Variants in MAST1 observed in about 807,000 individuals in gnomAD.
MAST1 encodes microtubule associated serine/threonine kinase 1.
Under a neutral mutation model 124.6 loss-of-function variants are expected in MAST1, and 40 were observed. The observed-to-expected ratio is 0.32, with a 90% CI of 0.25 to 0.42. The LOEUF is 0.42. MAST1 is among the 10% of genes least tolerant of loss of function. The pLI, the probability that MAST1 is intolerant of heterozygous loss-of-function variation, is 1.00. For synonymous variants in MAST1, 938 were observed against 939.4 expected, an observed-to-expected ratio of 1.00 and a Z score of 0.03; for missense variants, 1,558 against 2,181.9, an observed-to-expected ratio of 0.71 and a Z score of 5.70.
Position 12,866,576 on chromosome 19 carries a change from C to A in MAST1, c.2030-77C>A. ...GAAGACTTGTAAACCCGTCTTGAACCAGGACTGGGCTCCTGTGGGGATGTG... is the reference window on the plus strand; with the variant it reads ...GAAGACTTGTAAACCCGTCTTGAACAAGGACTGGGCTCCTGTGGGGATGTG... On this transcript the variant is annotated intron_variant, in intron 17 of 25. Coordinates refer to ENST00000251472, the MANE Select transcript of MAST1 (RefSeq NM_014975.3). This position sits in a 1 kb window ranked among gnomAD's most constrained non-coding sequence, Gnocchi z 5.2. 2 of 935,188 alleles carry A rather than the reference C, an allele frequency of 2.1e-6. No individual in the cohort carries two copies. Among genetic ancestry groups the A allele is most frequent in the Non-Finnish European group, 3.4e-6 (2 of 587,768 alleles). The allele number at this position is 935,188 out of a possible 1,614,324, so 57.9% of individuals were successfully genotyped here.
In MAST1 at chr19:12,847,229, GGGTCCTGAGCTGTTGGGGGGCCCAT is replaced by G; in HGVS notation, c.328-57_328-33del. 3 of 1,161,468 alleles carry G rather than the reference GGGTCCTGAGCTGTTGGGGGGCCCAT, an allele frequency of 2.6e-6. No individual in the cohort carries two copies. Among genetic ancestry groups the G allele is most frequent in the Non-Finnish European group, 3.8e-6 (3 of 798,196 alleles). 71.9% of individuals were successfully genotyped at this position (1,161,468 alleles called of 1,614,324 possible). A position where few individuals can be genotyped will look rare whatever the true frequency, so the allele number is the denominator to read the frequency against. On this transcript the variant is annotated intron_variant, in intron 4 of 25. Coordinates refer to ENST00000251472, the MANE Select transcript of MAST1 (RefSeq NM_014975.3). This position sits in a 1 kb window ranked among gnomAD's most constrained non-coding sequence, Gnocchi z 5.5. ...CATCGGCTTTGGGAGTCCCAGCTCAGGGTCCTGAGCTGTTGGGGGGCCCATGGTGGCTCTGACCCCGGCCCTGCCC... is the reference window on the plus strand; with the variant it reads ...CATCGGCTTTGGGAGTCCCAGCTCAGGGTGGCTCTGACCCCGGCCCTGCCC...
At chr19:12,869,385 C>T (rs966541838) in intron 22 of MAST1, 90 bp downstream of exon 22, 4 of 1,019,226 alleles carry the variant, frequency 3.9e-6, no homozygotes, top group Non-Finnish European at 6.0e-6. Context: ...CTGGGTGAGA[C>T]ACCTCTGTGA....
chr19:12,846,312 C>T (rs1236140889), intron 4 of MAST1, among the ~76,000 whole-genome samples: 1 of 152,070 alleles, frequency 6.6e-6, no homozygotes, highest in African/African-American at 2.4e-5. Flanking sequence ...CTTCGCCTCC[C>T]AAAGTGCTGA....
At position 12,865,573 on chromosome 19, in the gene MAST1, C is replaced by A. The variant is rs1456595404; in HGVS notation, c.1804+92C>A. ...TCCAGGGATTTCAAAAGCGACCCCC[C>A]AGAGGATCGCTTGCACTCAGGAGGT... On this transcript the variant is annotated intron_variant, in intron 15 of 25. Transcript: ENST00000251472. The surrounding 1 kb of genome is among the most constrained non-coding windows in gnomAD (Gnocchi z 7.1). 1 of 1,500,006 alleles carries A rather than the reference C, an allele frequency of 6.7e-7. No individual in the cohort carries two copies. The highest frequency in any genetic ancestry group is 9.0e-7 in the Non-Finnish European group (1 of 1,111,130). The allele number at this position is 1,500,006 out of a possible 1,614,324, so 92.9% of individuals were successfully genotyped here. A position where few individuals can be genotyped will look rare whatever the true frequency, so the allele number is the denominator to read the frequency against.
intron 24 of MAST1, 95 bp downstream of exon 24, chr19:12,871,267 A>C (rs1970230675): frequency 6.5e-7 from 1 of 1,542,924 alleles, no homozygotes; most frequent in Admixed American, 1.9e-5. Context: ...GAGCACGGGA[A>C]AGGTGGCGGG....
At chr19:12,839,214 A>G (rs1330320585) in intron 1 of MAST1, among the ~76,000 whole-genome samples, 1 of 150,996 alleles carries the variant, frequency 6.6e-6, no homozygotes, top group South Asian at 2.1e-4. Flanking sequence ...CACACAGGAC[A>G]TGATGTCACA....
chr19:12,842,323 C>G (rs1044556587), intron 3 of MAST1, among the ~76,000 whole-genome samples: 1 of 151,718 alleles, frequency 6.6e-6, no homozygotes, highest in African/African-American at 2.4e-5. Flanking sequence ...GACAGAGTCT[C>G]GCTCTGTTGC....
intron 24 of MAST1, 183 bp from the exon 25 acceptor site, chr19:12,873,141 T>G: frequency 1.6e-6 from 1 of 618,098 alleles, no homozygotes; most frequent in Non-Finnish European, 2.8e-6. Context: ...GGGTGGGGAC[T>G]GAAGTGGGAG....
chr19:12,853,261 G>A (rs1231419080), intron 10 of MAST1, among the ~76,000 whole-genome samples: 20 of 148,986 alleles, frequency 1.3e-4, no homozygotes, highest in Admixed American at 1.3e-3. Context: ...ATGAGCCACC[G>A]CGCCCGGCCT....
intron 22 of MAST1, 50 bp from the exon 23 acceptor site, chr19:12,870,774 C>A (rs1185311175): frequency 1.3e-6 from 2 of 1,534,202 alleles, no homozygotes; most frequent in East Asian, 4.5e-5. Flanking sequence ...AGGAGCTTTC[C>A]TTGTTACCAA....
In MAST1 at chr19:12,873,605, G is replaced by C; in HGVS notation, c.3452-4G>C. On this transcript the variant is annotated splice_region_variant and splice_polypyrimidine_tract_variant and intron_variant, in intron 25 of 25. Transcript: ENST00000251472. ...TCACTCGCTTCACCTCCTGTCTCCC[G>C]CAGGCGCCTCATCCCAGAGCAGCTC... 1.3e-6 allele frequency: 2 copies of C among 1,581,928 alleles called. No homozygotes were observed. The highest frequency in any genetic ancestry group is 2.2e-5 in the South Asian group (2 of 89,670).
intron 20 of MAST1, 151 bp from the exon 21 acceptor site, chr19:12,868,492 G>A (rs1970191366): frequency 4.7e-6 from 3 of 638,948 alleles, no homozygotes; most frequent in East Asian, 2.7e-5. Flanking sequence ...GTCTCTATAT[G>A]AGGAGCAGTG....
rs943904580 is a variant in MAST1 at position 12,870,804 on chromosome 19, A to G, written c.3004-20A>G. ...TACCAATCCCACTAACCCTGTCCCTATGGGGTGCTCTTTTCCCAGCATGTG... is the reference window on the plus strand; with the variant it reads ...TACCAATCCCACTAACCCTGTCCCTGTGGGGTGCTCTTTTCCCAGCATGTG... On this transcript the variant is annotated intron_variant, in intron 22 of 25. Transcript: ENST00000251472. 4 of 1,589,456 alleles carry G rather than the reference A, an allele frequency of 2.5e-6. No homozygotes were observed. The highest frequency in any genetic ancestry group is 2.7e-5 in the African/African-American group (2 of 74,302).
chr19:12,867,932 G>C lies in MAST1; in HGVS notation c.2521G>C (p.Glu841Gln). 1.3e-6 allele frequency: 2 copies of C among 1,591,226 alleles called. No individual in the cohort carries two copies. Among genetic ancestry groups the C allele is most frequent in the Non-Finnish European group, 1.7e-6 (2 of 1,170,392 alleles). The change falls in exon 20 of 26, where the codon GAG becomes CAG. Residue 841 changes from glutamate (E) to glutamine (Q), a missense_variant. Glu to Gln is a conservative substitution (Grantham distance 29). Coordinates refer to ENST00000251472, the MANE Select transcript of MAST1 (RefSeq NM_014975.3). ...CCTGGATGCACGGGCCCCCAAAGAGGAGACTCAAGGGGAAGGCACCTCCAG... is the reference window on the plus strand; with the variant it reads ...CCTGGATGCACGGGCCCCCAAAGAGCAGACTCAAGGGGAAGGCACCTCCAG... Reference protein sequence around the residue: ...GSLDARAPKEETQGEGTSSAG... With the variant: ...GSLDARAPKEQTQGEGTSSAG...
chr19:12,866,700 A>T lies in MAST1; in HGVS notation c.2077A>T (p.Thr693Ser). The change falls in exon 18 of 26, where the codon ACG (threonine) becomes TCG (serine). Residue 693 changes from threonine (T) to serine (S), a missense_variant. Around this residue, in one of 10 missense-constraint regions of MAST1, gnomAD observed 287 missense variants for 308.0 expected, o/e 0.93. Transcript: ENST00000251472. The surrounding 1 kb of genome is among the most constrained non-coding windows in gnomAD (Gnocchi z 5.2). Reference protein sequence around the residue: ...HHVNSYDEDDTTEEEPVEIRQ... With the variant: ...HHVNSYDEDDSTEEEPVEIRQ... ...CGTGAACTCCTATGACGAGGATGACACGACGGAGGAGGAGCCCGTGGAAAT... is the reference window on the plus strand; with the variant it reads ...CGTGAACTCCTATGACGAGGATGACTCGACGGAGGAGGAGCCCGTGGAAAT... 6.2e-7 allele frequency: 1 copy of T among 1,613,998 alleles called. No homozygotes were observed. The highest frequency in any genetic ancestry group is 8.5e-7 in the Non-Finnish European group (1 of 1,179,980).
intron 24 of MAST1, 82 bp from the exon 25 acceptor site, chr19:12,873,242 C>A: frequency 7.1e-7 from 1 of 1,399,838 alleles, no homozygotes; most frequent in Non-Finnish European, 9.9e-7. Flanking sequence ...TGGGTGGTTA[C>A]CGTTGTGAGG....
chr19:12,869,592 C>T lies in MAST1; in HGVS notation c.3003+297C>T, dbSNP rs973635941. Among the ~76,000 whole-genome samples, 5 of 152,086 alleles carry T rather than the reference C, an allele frequency of 3.3e-5. 1 individual carries two copies. The highest frequency in any genetic ancestry group is 7.4e-5 in the Non-Finnish European group (5 of 68,008). On this transcript the variant is annotated intron_variant, in intron 22 of 25. Transcript: ENST00000251472. Reference sequence around the variant, plus strand: ...GGGACTACAGACAGGCGCGCGCCACCACGCCCAGCTAATTTTTGTATTTTT... The same window carrying T: ...GGGACTACAGACAGGCGCGCGCCACTACGCCCAGCTAATTTTTGTATTTTT...
At chr19:12,868,004 C>G (rs775892318) in intron 20 of MAST1, 27 bp downstream of exon 20, 6 of 1,511,924 alleles carry the variant, frequency 4.0e-6, no homozygotes. Flanking sequence ...GCTGCCTTCC[C>G]CAATCTTCCC....
chr19:12,868,117 T>TTTTTTTTTTTTTTTTTTTA (rs1970183791), intron 20 of MAST1, 140 bp downstream of exon 20: 1 of 911,484 alleles, frequency 1.1e-6, no homozygotes, highest in South Asian at 3.2e-5. Flanking sequence ...TTTTTTTTTT[T>TTTTTTTTTTTTTTTTTTTA]TTTTTTTTTG....
Sources: allele counts gnomAD v4.1 joint callset (sites outside exome capture counted in the v4.1 genomes callset), GRCh38; gene constraint gnomAD v4.1.1; regional missense constraint gnomAD v4.1.1; non-coding constraint Gnocchi (gnomAD v3.1); transcripts MANE v1.5; gene names NCBI Gene and HGNC (gene_info 2026-07-23, HGNC 2026-07-21).